SIK3: variants seen among roughly 807,000 people sequenced by gnomAD.
SIK3 encodes serine/threonine-protein kinase SIK3.
In SIK3, 28 loss-of-function variants were observed where a neutral mutation model predicts 144.2. The ratio of observed to expected loss-of-function variants is 0.19; its 90% CI spans 0.14 to 0.27. The LOEUF (loss-of-function observed/expected upper bound fraction) is 0.27, where lower values mean the gene tolerates loss of function less well. Ranked by LOEUF, SIK3 falls within the 10% of genes least tolerant of loss-of-function variation. The pLI, the probability that SIK3 is intolerant of heterozygous loss-of-function variation, is 1.00. For synonymous variants in SIK3, 686 were observed against 676.3 expected (o/e 1.01, Z -0.22); for missense variants, 1,319 against 1,776.0 (o/e 0.74, Z 4.62).
intron 1 of SIK3, among the ~76,000 whole-genome samples, chr11:117,051,435 C>T (rs1953234726): frequency 6.6e-6 from 1 of 152,096 alleles, no homozygotes. Context: ...CCTCTTATAC[C>T]TATCTATGTA....
At position 116,989,533 on chromosome 11, in the gene SIK3, T is replaced by C. The variant is rs115418415; in HGVS notation, c.274-32469A>G. Among the ~76,000 whole-genome samples the C allele has an allele frequency of 5.8e-3, 870 of 151,212 alleles. 9 individuals carry two copies. Among genetic ancestry groups the C allele is most frequent in the African/African-American group, 0.02 (815 of 41,310 alleles). On this transcript the variant is annotated intron_variant, in intron 1 of 24. Transcript: ENST00000445177. ...TCTGAGACCTCCAGTACCAAAAAGA[T>C]ACAGTATCAGTAAAATCCTAATAAA...
At chr11:116,875,815 AC>A (rs758778569) in intron 9 of SIK3, 50 bp downstream of exon 9, 83 of 1,547,612 alleles carry the variant, frequency 5.4e-5, no homozygotes, top group Middle Eastern at 2.1e-4. Flanking sequence ...GCTAACCTTT[AC>A]CCCCCTGGTG....
At chr11:116,887,942 T>C (rs117231130) in intron 6 of SIK3, among the ~76,000 whole-genome samples, 2,480 of 152,320 alleles carry the variant, frequency 0.016, 42 homozygotes, top group Non-Finnish European at 0.022. Flanking sequence ...GAAAGGAAAC[T>C]TGTGTCAAAC....
chr11:116,927,034 A>AG (rs1229674413), intron 4 of SIK3, among the ~76,000 whole-genome samples, 185 bp downstream of exon 4: 6 of 149,734 alleles, frequency 4.0e-5, no homozygotes, highest in Admixed American at 2.0e-4. Flanking sequence ...AAAAAAAAAA[A>AG]GGGCAGGGGA....
At chr11:116,932,934 C>G (rs971530264) in intron 3 of SIK3, among the ~76,000 whole-genome samples, 1 of 152,056 alleles carries the variant, frequency 6.6e-6, no homozygotes, top group African/African-American at 2.4e-5. Context: ...GCATCTGCCA[C>G]CATGCCTAGC....
At chr11:116,882,881 T>G (rs1203735601) in intron 6 of SIK3, among the ~76,000 whole-genome samples, 1 of 152,202 alleles carries the variant, frequency 6.6e-6, no homozygotes, top group Admixed American at 6.5e-5. Context: ...AGGGTTCTAT[T>G]TTTTCTAAAT....
At chr11:116,894,719 G>C (rs1478776950) in intron 6 of SIK3, among the ~76,000 whole-genome samples, 1 of 152,198 alleles carries the variant, frequency 6.6e-6, no homozygotes, top group Non-Finnish European at 1.5e-5. Flanking sequence ...AATGAAGTGA[G>C]TTAATGTTTG....
chr11:117,055,203 G>A (rs544589069), intron 1 of SIK3, among the ~76,000 whole-genome samples: 1 of 152,266 alleles, frequency 6.6e-6, no homozygotes, highest in South Asian at 2.1e-4. Context: ...ATTTCTAACA[G>A]GCAGCTCAAT....
chr11:117,034,548 G>C (rs1217750057), intron 1 of SIK3, among the ~76,000 whole-genome samples: 1 of 152,100 alleles, frequency 6.6e-6, no homozygotes, highest in Non-Finnish European at 1.5e-5. Flanking sequence ...GATCAGTACT[G>C]GTGGTTAAGA....
chr11:116,848,043 G>A (rs1011084388), intron 22 of SIK3, among the ~76,000 whole-genome samples: 16 of 152,142 alleles, frequency 1.1e-4, no homozygotes, highest in Non-Finnish European at 1.8e-4. Flanking sequence ...GGCTGGGCAC[G>A]GTGGCTCATG....
At chr11:117,015,694 C>T (rs1951493013) in intron 1 of SIK3, among the ~76,000 whole-genome samples, 1 of 152,152 alleles carries the variant, frequency 6.6e-6, no homozygotes, top group African/African-American at 2.4e-5. Flanking sequence ...CCTGCCTCAG[C>T]CTCCCAAACT....
chr11:116,993,308 C>A (rs1950555084), intron 1 of SIK3, among the ~76,000 whole-genome samples: 1 of 152,144 alleles, frequency 6.6e-6, no homozygotes, highest in African/African-American at 2.4e-5. Flanking sequence ...CGCAACTATG[C>A]CCACCATTTT....
chr11:116,935,239 C>T (rs946020682), intron 3 of SIK3, among the ~76,000 whole-genome samples: 4 of 151,806 alleles, frequency 2.6e-5, no homozygotes, highest in Non-Finnish European at 5.9e-5. Flanking sequence ...CAGGGCAAGA[C>T]CCTATCTTTA....
At chr11:117,085,609 G>A (rs541487664) in intron 1 of SIK3, among the ~76,000 whole-genome samples, 1 of 152,274 alleles carries the variant, frequency 6.6e-6, no homozygotes, top group East Asian at 1.9e-4. Context: ...TAAACTAGGC[G>A]ACAGGCACAT....
intron 1 of SIK3, among the ~76,000 whole-genome samples, chr11:117,005,224 C>T (rs757059112): frequency 4.6e-5 from 7 of 151,400 alleles, no homozygotes; most frequent in Non-Finnish European, 8.8e-5. Context: ...GGGCAGATCA[C>T]CTGAGGTCAG....
At position 116,857,823 on chromosome 11, in the gene SIK3, C is replaced by T. The variant is rs759347296; in HGVS notation, c.3642G>A (p.Lys1214=). ...GGAGACACTTACCTCTGCTGGGCAC[C>T]TTATTTTTACTGAATGCAGCAGTTG... ...HQPTAAFSKN[K]VPSREPVIGN... Residue 1214 remains lysine, a synonymous_variant, in exon 21 of 25, where the codon AAG becomes AAA. Coordinates refer to ENST00000445177, the MANE Select transcript of SIK3 (RefSeq NM_001366686.3). 2 of 1,614,180 alleles carry T rather than the reference C, an allele frequency of 1.2e-6. No individual in the cohort carries two copies. The highest frequency in any genetic ancestry group is 2.2e-5 in the South Asian group (2 of 91,088).
chr11:116,974,670 C>G (rs1949885560), intron 1 of SIK3, among the ~76,000 whole-genome samples: 4 of 152,150 alleles, frequency 2.6e-5, no homozygotes, highest in Non-Finnish European at 5.9e-5. Context: ...GCTGGGATTA[C>G]AGGTATAAGC....
At chr11:116,877,843 T>A (rs1338558905) in intron 6 of SIK3, among the ~76,000 whole-genome samples, 1 of 152,236 alleles carries the variant, frequency 6.6e-6, no homozygotes, top group East Asian at 1.9e-4. Flanking sequence ...GCAGTGATGA[T>A]GATACCAAAA....
chr11:117,016,686 C>T (rs991912107), intron 1 of SIK3, among the ~76,000 whole-genome samples: 4 of 152,108 alleles, frequency 2.6e-5, no homozygotes, highest in African/African-American at 9.7e-5. Flanking sequence ...AAATAATGTT[C>T]TTTATGTTAA....
Sources: allele counts gnomAD v4.1 joint callset (sites outside exome capture counted in the v4.1 genomes callset), GRCh38; gene constraint gnomAD v4.1.1; transcripts MANE v1.5; gene names NCBI Gene and HGNC (gene_info 2026-07-23, HGNC 2026-07-21).